ARPC1A: variants seen among roughly 807,000 people sequenced by gnomAD.
The protein encoded by ARPC1A is actin related protein 2/3 complex subunit 1A.
Under a neutral mutation model 46.9 loss-of-function variants are expected in ARPC1A, and 8 were observed. The ratio of observed to expected loss-of-function variants is 0.17; its 90% confidence interval spans 0.10 to 0.31. The LOEUF (loss-of-function observed/expected upper bound fraction) is 0.31, where lower values mean the gene tolerates loss of function less well. Among genes scored for constraint, ARPC1A ranks in the 10% least tolerant of loss-of-function variants. ARPC1A has a pLI of 1.00. For missense variants in ARPC1A, 286 were observed against 483.6 expected (o/e 0.59, Z 3.83); for synonymous variants, 152 against 169.0 (o/e 0.90, Z 0.78).
At chr7:99,330,800 G>C (rs960121861) in intron 1 of ARPC1A, among the ~76,000 whole-genome samples, 1 of 152,082 alleles carries the variant, frequency 6.6e-6, no homozygotes, top group Non-Finnish European at 1.5e-5. Flanking sequence ...ACATACTTAC[G>C]TGTGTTGAAA....
chr7:99,345,132 A>C (rs1793425924), intron 4 of ARPC1A, among the ~76,000 whole-genome samples: 1 of 151,360 alleles, frequency 6.6e-6, no homozygotes, highest in South Asian at 2.1e-4. Context: ...ACAAGGTTTC[A>C]CCATCTTGGC....
At chr7:99,361,461 CA>C (rs5886105) in intron 8 of ARPC1A, among the ~76,000 whole-genome samples, 45,052 of 110,154 alleles carry the variant, frequency 0.41, 11,494 homozygotes, top group African/African-American at 0.76. Context: ...GATCCTATCT[CA>C]AAAAAAAAAA....
intron 3 of ARPC1A, among the ~76,000 whole-genome samples, chr7:99,343,068 A>G (rs1386437089): frequency 6.6e-6 from 1 of 151,808 alleles, no homozygotes. Context: ...TTTTTTCCAT[A>G]TAAATGTCAA....
At chr7:99,334,995 C>T (rs1029917620) in intron 2 of ARPC1A, among the ~76,000 whole-genome samples, 1 of 152,206 alleles carries the variant, frequency 6.6e-6, no homozygotes, top group Non-Finnish European at 1.5e-5. Context: ...AGGCACCAGC[C>T]ACCATGCTCG....
In ARPC1A at chr7:99,344,330, T is replaced by C. The variant is rs1473172274; in HGVS notation, c.207T>C (p.Thr69=). Residue 69 remains threonine, a synonymous_variant, in exon 4 of 10, where the codon ACT becomes ACC. Transcript: ENST00000262942. The part of the protein sequence containing the change: ...DWAPKSDRIV[T]CGADRNAYVW... ...CTCCCAAGAGCGACCGCATTGTCAC[T>C]TGTGGGGCAGACCGCAATGCCTATG... 3.1e-6 allele frequency: 5 copies of C among 1,613,994 alleles called. No homozygotes were observed. The highest frequency in any genetic ancestry group is 4.2e-6 in the Non-Finnish European group (5 of 1,179,864).
intron 3 of ARPC1A, among the ~76,000 whole-genome samples, chr7:99,341,788 C>CT (rs1285397641): frequency 6.6e-6 from 1 of 152,018 alleles, no homozygotes; most frequent in Non-Finnish European, 1.5e-5. Flanking sequence ...TGTTTTCTGT[C>CT]TAGCTGCTCA....
intron 1 of ARPC1A, among the ~76,000 whole-genome samples, chr7:99,329,823 CT>C (rs1793115202): frequency 6.6e-6 from 1 of 152,138 alleles, no homozygotes; most frequent in African/African-American, 2.4e-5. Flanking sequence ...GAACCATGTA[CT>C]TTTATGGCAC....
intron 2 of ARPC1A, among the ~76,000 whole-genome samples, chr7:99,335,823 G>A (rs911250735): frequency 6.6e-6 from 1 of 152,074 alleles, no homozygotes; most frequent in Non-Finnish European, 1.5e-5. Flanking sequence ...GTGTGGTGGC[G>A]GGCGCCTGTA....
At chr7:99,343,648 A>T (rs988492523) in intron 3 of ARPC1A, among the ~76,000 whole-genome samples, 31 of 152,264 alleles carry the variant, frequency 2.0e-4, no homozygotes, top group African/African-American at 7.2e-4. Flanking sequence ...CAAATAAGAA[A>T]AATAAACCTT....
chr7:99,361,525 G>A (rs754571227), intron 8 of ARPC1A, among the ~76,000 whole-genome samples: 1 of 150,386 alleles, frequency 6.6e-6, no homozygotes, highest in Non-Finnish European at 1.5e-5. Context: ...ACATTCTTCA[G>A]GTTTCTCCTT....
chr7:99,347,594 A>G (rs556307718), intron 4 of ARPC1A, among the ~76,000 whole-genome samples: 5 of 152,198 alleles, frequency 3.3e-5, no homozygotes, highest in East Asian at 1.9e-4. Context: ...AATCCCAGCT[A>G]TCGGGAGGCT....
At chr7:99,350,257 C>T (rs1259015845) in intron 5 of ARPC1A, among the ~76,000 whole-genome samples, 1 of 152,118 alleles carries the variant, frequency 6.6e-6, no homozygotes, top group African/African-American at 2.4e-5. Context: ...CTCTTTCTTA[C>T]CATCTCTTTC....
chr7:99,333,710 C>T (rs1308303223), intron 2 of ARPC1A, among the ~76,000 whole-genome samples: 1 of 152,130 alleles, frequency 6.6e-6, no homozygotes, highest in East Asian at 1.9e-4. Flanking sequence ...CTACTCAGAG[C>T]ATTATTAACT....
intron 4 of ARPC1A, among the ~76,000 whole-genome samples, 167 bp downstream of exon 4, chr7:99,344,682 T>C (rs1375567176): frequency 6.6e-6 from 1 of 152,056 alleles, no homozygotes; most frequent in Non-Finnish European, 1.5e-5. Flanking sequence ...GCATGTTAAG[T>C]TAAATCGCAC....
Position 99,326,170 on chromosome 7 carries a change from C to T in ARPC1A, c.-30+166C>T, listed in dbSNP as rs113459815. Among the ~76,000 whole-genome samples the T allele has an allele frequency of 4.1e-3, 625 of 152,260 alleles. 3 individuals are homozygous for T. The highest frequency in any genetic ancestry group is 0.014 in the African/African-American group (581 of 41,558). On this transcript the variant is annotated intron_variant, in intron 1 of 9. Transcript: ENST00000262942. Reference sequence around the variant, plus strand: ...GGGCCTCCTGAGGGGGCGGGGATCCCCTTTCTCCGTGGATCCCCTGCAGCT... The same window carrying T: ...GGGCCTCCTGAGGGGGCGGGGATCCTCTTTCTCCGTGGATCCCCTGCAGCT...
intron 3 of ARPC1A, chr7:99,340,148 TTTTG>T (rs145394943): frequency 0.21 from 82,778 of 393,346 alleles, 17,905 homozygotes; most frequent in African/African-American, 0.74. Context: ...TTTTTTCTGT[TTTTG>T]TTTGTTTGTT....
intron 2 of ARPC1A, chr7:99,335,468 A>C: frequency 2.4e-6 from 1 of 415,980 alleles, no homozygotes; most frequent in Non-Finnish European, 4.7e-6. Flanking sequence ...GTCTGTCTTG[A>C]TTACTATAGC....
At chr7:99,349,088 TCACCCAGGCTGGAGTGCAGTGG>T (rs1448391815) in intron 5 of ARPC1A, 129 bp downstream of exon 5, 3 of 902,348 alleles carry the variant, frequency 3.3e-6, no homozygotes, top group Non-Finnish European at 5.1e-6. Flanking sequence ...GGTCTCACTC[TCACCCAGGCTGGAGTGCAGTGG>T]CACCATCATA....
At chr7:99,339,798 C>A in intron 3 of ARPC1A, 1 of 283,382 alleles carries the variant, frequency 3.5e-6, no homozygotes. Flanking sequence ...GAATAGGCAT[C>A]CCTTGATTTC....
Sources: allele counts gnomAD v4.1 joint callset (sites outside exome capture counted in the v4.1 genomes callset), GRCh38; gene constraint gnomAD v4.1.1; transcripts MANE v1.5; gene names NCBI Gene and HGNC (gene_info 2026-07-23, HGNC 2026-07-21).